The following CDK15 variants were observed in gnomAD, a reference collection of about 807,000 sequenced individuals.
The protein encoded by CDK15 is cyclin-dependent kinase 15.
In CDK15, 62 loss-of-function variants were observed where a neutral mutation model predicts 60.3. The ratio of observed to expected loss-of-function variants is 1.03; its 90% confidence interval spans 0.84 to 1.27. CDK15 has a LOEUF of 1.27. Among genes scored for constraint, CDK15 ranks in the 50% most tolerant of loss-of-function variants. The pLI, the probability that CDK15 is intolerant of heterozygous loss-of-function variation, is 0.00. For synonymous variants in CDK15, 194 were observed against 195.7 expected, an observed-to-expected ratio of 0.99 and a Z score of 0.07; for missense variants, 541 against 527.8, an observed-to-expected ratio of 1.03 and a Z score of -0.25.
At chr2:201,850,207 G>A (rs1266457372) in intron 9 of CDK15, among the ~76,000 whole-genome samples, 7 of 152,288 alleles carry the variant, frequency 4.6e-5, no homozygotes, top group Admixed American at 3.3e-4. Flanking sequence ...GGCTGAGGCA[G>A]GAGGATCCTT....
chr2:201,846,451 C>A (rs1422314712), intron 8 of CDK15, among the ~76,000 whole-genome samples: 1 of 150,748 alleles, frequency 6.6e-6, no homozygotes, highest in Non-Finnish European at 1.5e-5. Context: ...TGAGATCGCA[C>A]CACTGCACTC....
At chr2:201,868,773 A>G (rs1453783766) in intron 10 of CDK15, among the ~76,000 whole-genome samples, 1 of 152,226 alleles carries the variant, frequency 6.6e-6, no homozygotes, top group East Asian at 1.9e-4. Context: ...CAGACACATG[A>G]AAAAATGTTC....
At chr2:201,847,652 A>C (rs2105775388) in intron 9 of CDK15, among the ~76,000 whole-genome samples, 178 bp downstream of exon 9, 1 of 152,274 alleles carries the variant, frequency 6.6e-6, no homozygotes, top group African/African-American at 2.4e-5. Flanking sequence ...TGTGGTCAGG[A>C]AACTCCCTGT....
chr2:201,860,188 G>A (rs141771667), intron 10 of CDK15, among the ~76,000 whole-genome samples: 56 of 152,164 alleles, frequency 3.7e-4, no homozygotes, highest in African/African-American at 1.3e-3. Flanking sequence ...TGTACTGCTG[G>A]GTTCATTTCA....
At chr2:201,847,537 G>A (rs1170267245) in intron 9 of CDK15, 63 bp downstream of exon 9, 2 of 1,427,104 alleles carry the variant, frequency 1.4e-6, no homozygotes, top group Admixed American at 1.7e-5. Context: ...AACCAAATTT[G>A]CCTTACAGAC....
At chr2:201,815,012 C>T (rs1042491038) in intron 4 of CDK15, among the ~76,000 whole-genome samples, 6 of 148,420 alleles carry the variant, frequency 4.0e-5, no homozygotes, top group African/African-American at 1.5e-4. Flanking sequence ...AGTGCAATGG[C>T]ACAATCTTGG....
At position 201,893,521 on chromosome 2, in the gene CDK15, G is replaced by A. The variant is rs1699699473; in HGVS notation, c.*254G>A. On this transcript the variant is annotated 3_prime_UTR_variant, in exon 14 of 14. Coordinates refer to ENST00000652192, the MANE Select transcript of CDK15 (RefSeq NM_001366386.2). ...TTTAAGTGATTGATTTAAAAAAACT[G>A]GACATAAACTAAGTCTAAGAAGAGG... is the stretch of plus-strand genomic sequence containing the variant. The A allele has an allele frequency of 6.6e-6, 1 of 152,144 alleles. No individual in the cohort carries two copies. The highest frequency in any genetic ancestry group is 2.4e-5 in the African/African-American group (1 of 41,430). 9.4% of individuals were successfully genotyped at this position (152,144 alleles called of 1,614,324 possible). A position where few individuals can be genotyped will look rare whatever the true frequency, so the allele number is the denominator to read the frequency against.
chr2:201,876,940 G>A (rs1026876778), intron 11 of CDK15, among the ~76,000 whole-genome samples: 1 of 152,038 alleles, frequency 6.6e-6, no homozygotes, highest in Non-Finnish European at 1.5e-5. Context: ...TGGGACTACA[G>A]GTGCATGCTA....
rs1451278806 is a variant in CDK15, at chr2:201,882,183, ATATGTGTGTGTGCG to A, written c.1198+2029_1198+2042del. 1.3e-5 allele frequency among the ~76,000 whole-genome samples: 2 copies of A among 151,780 alleles called. No homozygotes were observed. Among genetic ancestry groups the A allele is most frequent in the Admixed American group, 1.3e-4 (2 of 15,256 alleles). On this transcript the variant is annotated intron_variant, in intron 12 of 13. Transcript: ENST00000652192. This position sits in a 1 kb window ranked among gnomAD's most constrained non-coding sequence, Gnocchi z 4.0. Reference sequence around the variant, plus strand: ...TCTAAGGTTGTGTGTGTATGTGTGTATATGTGTGTGTGCGTATGTGTGTGTGTGTGTGTGAGAGA... The same window carrying A: ...TCTAAGGTTGTGTGTGTATGTGTGTATATGTGTGTGTGTGTGTGTGAGAGA...
chr2:201,807,551 C>A lies in CDK15; in HGVS notation c.181C>A (p.Gln61Lys). 6.2e-7 allele frequency: 1 copy of A among 1,614,208 alleles called. No homozygotes were observed. Among genetic ancestry groups the A allele is most frequent in the Non-Finnish European group, 8.5e-7 (1 of 1,180,040 alleles). ...GACTTCATTTCACCCCAGGGGACTT[C>A]AAGCTGCCCGTGCCCAGAAGTTCAA... The part of the protein sequence containing the change: ...SMTSFHPRGL[Q>K]AARAQKFKSK... The change falls in exon 2 of 14, where the codon CAA becomes AAA. Residue 61 changes from glutamine (Q) to lysine (K), a missense_variant. Gln to Lys is a moderately conservative substitution (Grantham distance 53). Transcript: ENST00000652192.
Position 201,882,968 on chromosome 2 carries a change from A to AGTGG in CDK15, c.1198+2804_1198+2807dup, listed in dbSNP as rs1367427085. Among the ~76,000 whole-genome samples the AGTGG allele has an allele frequency of 6.6e-6, 1 of 152,146 alleles. No homozygotes were observed. Among genetic ancestry groups the AGTGG allele is most frequent in the Non-Finnish European group, 1.5e-5 (1 of 68,030 alleles). On this transcript the variant is annotated intron_variant, in intron 12 of 13. Coordinates refer to ENST00000652192, the MANE Select transcript of CDK15 (RefSeq NM_001366386.2). This position sits in a 1 kb window ranked among gnomAD's most constrained non-coding sequence, Gnocchi z 4.0. ...GCCTCCTTTGCAGACAGAGCACACC[A>AGTGG]GTGGGTAATCACAGTTCCCAATCTG... is the stretch of plus-strand genomic sequence containing the variant.
Position 201,872,261 on chromosome 2 carries a change from C to T in CDK15, c.1010-17C>T. ...CGGGTGGATTTTATTTTTTAACGCC[C>T]TCTGTATGCTTCCCAGAATGGTTCC... On this transcript the variant is annotated splice_polypyrimidine_tract_variant and intron_variant, in intron 10 of 13. Transcript: ENST00000652192. The T allele has an allele frequency of 6.2e-7, 1 of 1,613,872 alleles. No homozygotes were observed. Among genetic ancestry groups the T allele is most frequent in the Non-Finnish European group, 8.5e-7 (1 of 1,179,844 alleles).
At chr2:201,870,666 C>T (rs1574925977) in intron 10 of CDK15, among the ~76,000 whole-genome samples, 1 of 152,288 alleles carries the variant, frequency 6.6e-6, no homozygotes, top group South Asian at 2.1e-4. Flanking sequence ...GAGTTCCAGG[C>T]TGCAATGAGC....
chr2:201,843,229 C>T (rs1697480949), intron 8 of CDK15, among the ~76,000 whole-genome samples: 1 of 152,016 alleles, frequency 6.6e-6, no homozygotes, highest in African/African-American at 2.4e-5. Flanking sequence ...CTCTGTCGCC[C>T]AGGCTGGAGT....
At chr2:201,840,573 G>T (rs945414289) in intron 8 of CDK15, among the ~76,000 whole-genome samples, 1 of 147,764 alleles carries the variant, frequency 6.8e-6, no homozygotes, top group Non-Finnish European at 1.5e-5. Context: ...TTTTGTTTGT[G>T]TGTGTGTAGG....
At chr2:201,846,578 T>A (rs571407281) in intron 8 of CDK15, among the ~76,000 whole-genome samples, 67 of 151,744 alleles carry the variant, frequency 4.4e-4, no homozygotes, top group African/African-American at 1.3e-3. Flanking sequence ...TTTTTTTTTT[T>A]AAACTCCTAG....
At chr2:201,845,572 C>T (rs181387418) in intron 8 of CDK15, among the ~76,000 whole-genome samples, 14 of 131,356 alleles carry the variant, frequency 1.1e-4, no homozygotes, top group African/African-American at 3.8e-4. Context: ...GACAACATGG[C>T]GAAACCCCAT....
chr2:201,879,241 G>A (rs1285683954), intron 11 of CDK15, among the ~76,000 whole-genome samples: 2 of 152,100 alleles, frequency 1.3e-5, no homozygotes, highest in Non-Finnish European at 2.9e-5. Context: ...AATAAGACTG[G>A]GTGAGCTTCA....
At chr2:201,811,052 A>C (rs1026367808) in intron 3 of CDK15, among the ~76,000 whole-genome samples, 2 of 151,722 alleles carry the variant, frequency 1.3e-5, no homozygotes, top group Admixed American at 6.6e-5. Flanking sequence ...CATGTTGCCC[A>C]GGCTGGTCTC....
Sources: allele counts gnomAD v4.1 joint callset (sites outside exome capture counted in the v4.1 genomes callset), GRCh38; gene constraint gnomAD v4.1.1; non-coding constraint Gnocchi (gnomAD v3.1); transcripts MANE v1.5; gene names NCBI Gene and HGNC (gene_info 2026-07-23, HGNC 2026-07-21).